ATP6V0A1: variants seen among roughly 807,000 people sequenced by gnomAD.
The protein encoded by ATP6V0A1 is V-type proton ATPase 116 kDa subunit a 1.
ATP6V0A1 carries 43 observed loss-of-function variants against 105.4 expected under a neutral mutation model. That is an observed-to-expected ratio of 0.41 (90% CI 0.32 to 0.53). The LOEUF is 0.53. Ranked by LOEUF, ATP6V0A1 falls within the 20% of genes least tolerant of loss-of-function variation. ATP6V0A1 has a pLI of 0.30. For missense variants in ATP6V0A1, 676 were observed against 1,051.1 expected (o/e 0.64, Z 4.93); for synonymous variants, 362 against 372.8 (o/e 0.97, Z 0.33).
chr17:42,462,044 CAAAAAA>C (rs1040242459), intron 2 of ATP6V0A1, among the ~76,000 whole-genome samples: 1 of 52,904 alleles, frequency 1.9e-5, no homozygotes, highest in African/African-American at 7.4e-5. Flanking sequence ...CCGTCTCTGC[CAAAAAA>C]AAAAAAAAAA....
intron 21 of ATP6V0A1, 119 bp from the exon 22 acceptor site, chr17:42,520,908 C>T: frequency 1.1e-6 from 1 of 875,494 alleles, no homozygotes; most frequent in Non-Finnish European, 1.8e-6. Context: ...CTAGCTTCCC[C>T]AGGGAAGGGA....
chr17:42,485,922 G>A (rs991296256), intron 9 of ATP6V0A1, among the ~76,000 whole-genome samples: 3 of 152,138 alleles, frequency 2.0e-5, no homozygotes, highest in African/African-American at 7.2e-5. Context: ...AGCATGACAT[G>A]GCTTTGCTTT....
intron 9 of ATP6V0A1, among the ~76,000 whole-genome samples, chr17:42,484,148 C>T (rs571470150): frequency 2.0e-4 from 31 of 152,266 alleles, no homozygotes; most frequent in Admixed American, 1.2e-3. Flanking sequence ...AGCTCCACCT[C>T]CCGGGTTCAC....
intron 15 of ATP6V0A1, among the ~76,000 whole-genome samples, chr17:42,499,368 G>A (rs2091471908): frequency 6.6e-6 from 1 of 152,030 alleles, no homozygotes; most frequent in South Asian, 2.1e-4. Context: ...CTATTCGGGA[G>A]GCTGAGGCAG....
intron 4 of ATP6V0A1, among the ~76,000 whole-genome samples, chr17:42,469,527 G>A (rs1399503553): frequency 6.6e-6 from 1 of 151,698 alleles, no homozygotes; most frequent in Non-Finnish European, 1.5e-5. Context: ...TAGAGACGGG[G>A]TTTCGCCATG....
chr17:42,516,478 G>A (rs1599172811), intron 21 of ATP6V0A1, among the ~76,000 whole-genome samples: 2 of 152,180 alleles, frequency 1.3e-5, no homozygotes, highest in South Asian at 2.1e-4. Flanking sequence ...GCCGACCCCC[G>A]CAAGCACACT....
intron 21 of ATP6V0A1, 108 bp downstream of exon 21, chr17:42,514,568 T>A: frequency 8.3e-7 from 1 of 1,203,316 alleles, no homozygotes; most frequent in Non-Finnish European, 1.1e-6. Context: ...GCAGGAAAGA[T>A]GAGCTGGCCC....
At chr17:42,475,660 A>G (rs1045041060) in intron 5 of ATP6V0A1, among the ~76,000 whole-genome samples, 2 of 152,202 alleles carry the variant, frequency 1.3e-5, no homozygotes, top group African/African-American at 2.4e-5. Context: ...TTTCAACCAC[A>G]TGGTTTTAGA....
rs375619478 is a variant in ATP6V0A1 at position 42,490,554 on chromosome 17, A to G, written c.1091A>G (p.Tyr364Cys). 4.3e-6 allele frequency: 7 copies of G among 1,613,814 alleles called. No individual in the cohort carries two copies. Among genetic ancestry groups the G allele is most frequent in the Non-Finnish European group, 5.1e-6 (6 of 1,179,932 alleles). Residue 364 changes from tyrosine (Y) to cysteine (C), a missense_variant, in exon 11 of 22, where the codon TAT becomes TGT. Transcript: ENST00000343619. ...RMQTNQTPPT[Y>C]NKTNKFTYGF... is the part of the protein sequence containing the mutation. ...CAGACAAACCAGACTCCCCCAACCT[A>G]TAACAAAACCAACAAGTTTACCTAT...
chr17:42,480,836 CT>C, intron 8 of ATP6V0A1, 87 bp downstream of exon 8: 1 of 1,209,074 alleles, frequency 8.3e-7, no homozygotes, highest in Non-Finnish European at 1.2e-6. Context: ...AATACAAATC[CT>C]TTTTAGTCTA....
At chr17:42,515,702 C>T (rs1201739814) in intron 21 of ATP6V0A1, among the ~76,000 whole-genome samples, 3 of 152,086 alleles carry the variant, frequency 2.0e-5, no homozygotes, top group Middle Eastern at 3.2e-3. Flanking sequence ...GCAGGAGAAT[C>T]GCTTGAACCC....
intron 5 of ATP6V0A1, chr17:42,471,216 C>G (rs1284570011): frequency 2.0e-5 from 3 of 151,836 alleles, no homozygotes; most frequent in Middle Eastern, 3.4e-3. Context: ...GTCAGGAGAT[C>G]AAGACCATCT....
intron 4 of ATP6V0A1, among the ~76,000 whole-genome samples, chr17:42,468,615 CAT>C (rs1180762304): frequency 6.6e-6 from 1 of 152,200 alleles, no homozygotes; most frequent in Non-Finnish European, 1.5e-5. Flanking sequence ...TTAGCTCCCA[CAT>C]ATGAGTGAAA....
intron 9 of ATP6V0A1, among the ~76,000 whole-genome samples, chr17:42,483,365 G>A (rs1201899985): frequency 6.6e-6 from 1 of 151,968 alleles, no homozygotes; most frequent in Non-Finnish European, 1.5e-5. Flanking sequence ...ATCTAGAATC[G>A]TTGTTGCCTA....
At chr17:42,491,148 A>G (rs1275169679) in intron 11 of ATP6V0A1, among the ~76,000 whole-genome samples, 1 of 151,966 alleles carries the variant, frequency 6.6e-6, no homozygotes, top group Non-Finnish European at 1.5e-5. Flanking sequence ...GGGCTCAAGG[A>G]AGCCTCCTGC....
Position 42,483,071 on chromosome 17 carries a change from A to G in ATP6V0A1, c.750A>G (p.Thr250=), listed in dbSNP as rs768977132. ...CCTCACTCTATCCCTGTCCTGAGAC[A>G]CCACAGGAGAGGAAGGAAATGGCTT... ...FRASLYPCPE[T]PQERKEMASG... The change falls in exon 9 of 22, where the codon ACA becomes ACG. Residue 250 remains threonine, a synonymous_variant. Coordinates refer to ENST00000343619, the MANE Select transcript of ATP6V0A1 (RefSeq NM_001130021.3). The G allele has an allele frequency of 6.4e-7, 1 of 1,571,226 alleles. No homozygotes were observed. Among genetic ancestry groups the G allele is most frequent in the South Asian group, 1.2e-5 (1 of 83,930 alleles).
At chr17:42,491,487 TA>T (rs1408244133) in intron 11 of ATP6V0A1, among the ~76,000 whole-genome samples, 2 of 151,754 alleles carry the variant, frequency 1.3e-5, no homozygotes, top group African/African-American at 2.4e-5. Context: ...ATTTTTTTTT[TA>T]TTTTTTTTAG....
chr17:42,514,000 C>G, intron 20 of ATP6V0A1, 22 bp downstream of exon 20: 1 of 1,605,076 alleles, frequency 6.2e-7, no homozygotes, highest in Non-Finnish European at 8.5e-7. Context: ...TCTCCGGGCT[C>G]CGGAACTCTA....
In ATP6V0A1 at chr17:42,521,217, C is replaced by G; in HGVS notation, c.*97C>G. 9.1e-7 allele frequency: 1 copy of G among 1,101,964 alleles called. No homozygotes were observed. Among genetic ancestry groups the G allele is most frequent in the Non-Finnish European group, 1.3e-6 (1 of 774,524 alleles). The allele number at this position is 1,101,964 out of a possible 1,614,324, so 68.3% of individuals were successfully genotyped here. ...GCCTGTTGGTTGTGATCTGTGGGCA[C>G]CAGCTCATTCGTGTCACCCTGTCTG... On this transcript the variant is annotated 3_prime_UTR_variant, in exon 22 of 22. Coordinates refer to ENST00000343619, the MANE Select transcript of ATP6V0A1 (RefSeq NM_001130021.3). The surrounding 1 kb of genome is among the most constrained non-coding windows in gnomAD (Gnocchi z 4.8).
Sources: allele counts gnomAD v4.1 joint callset (sites outside exome capture counted in the v4.1 genomes callset), GRCh38; gene constraint gnomAD v4.1.1; non-coding constraint Gnocchi (gnomAD v3.1); transcripts MANE v1.5; gene names NCBI Gene and HGNC (gene_info 2026-07-23, HGNC 2026-07-21).